Variants in USP34 observed in about 807,000 individuals in gnomAD.
USP34 encodes ubiquitin carboxyl-terminal hydrolase 34.
USP34 carries 70 observed loss-of-function variants against 460.3 expected under a neutral mutation model. The ratio of observed to expected loss-of-function variants is 0.15; its 90% CI spans 0.13 to 0.19. The LOEUF (loss-of-function observed/expected upper bound fraction) is 0.19. USP34 is among the 10% of genes least tolerant of loss of function. The pLI, the probability that USP34 is intolerant of heterozygous loss-of-function variation, is 1.00. For missense variants in USP34, 3,985 were observed against 4,236.2 expected, an observed-to-expected ratio of 0.94 and a Z score of 1.65; for synonymous variants, 1,647 against 1,405.3, an observed-to-expected ratio of 1.17 and a Z score of -3.85.
At chr2:61,189,961 T>G (rs181295890) in intron 78 of USP34, 101 of 230,588 alleles carry the variant, frequency 4.4e-4, no homozygotes, top group African/African-American at 1.7e-3. Context: ...ATAGGAGCCA[T>G]AGGCAGTAAT....
intron 33 of USP34, among the ~76,000 whole-genome samples, chr2:61,290,907 G>C (rs958461340): frequency 6.6e-6 from 1 of 152,178 alleles, no homozygotes; most frequent in Admixed American, 6.5e-5. Flanking sequence ...ATTAGGTAAC[G>C]GTTTTGTAGA....
chr2:61,230,970 A>T (rs773823042), intron 58 of USP34, among the ~76,000 whole-genome samples: 4 of 152,216 alleles, frequency 2.6e-5, no homozygotes, highest in Non-Finnish European at 4.4e-5. Context: ...CATTACTAAA[A>T]ACAGCCAAAA....
rs1695825514 is a variant in USP34 at position 61,467,891 on chromosome 2, G to A, written c.43+2759C>T. On this transcript the variant is annotated intron_variant, in intron 1 of 79. Transcript: ENST00000398571. ...CCACCTCGGCCTCCCAAAGTGTTGG[G>A]AATACAGGCGTGAGCTGTATTCAGA... 2.0e-5 allele frequency among the ~76,000 whole-genome samples: 3 copies of A among 152,120 alleles called. No individual in the cohort carries two copies. In the South Asian group the frequency reaches 6.2e-4, roughly 32 times the overall value.
intron 5 of USP34, among the ~76,000 whole-genome samples, chr2:61,386,478 G>GA (rs1399185651): frequency 2.6e-5 from 4 of 151,984 alleles, no homozygotes; most frequent in African/African-American, 9.7e-5. Context: ...AGGTAAGCAA[G>GA]AAAAAATTTT....
chr2:61,301,822 T>C (rs1690234781), intron 27 of USP34, among the ~76,000 whole-genome samples: 1 of 152,250 alleles, frequency 6.6e-6, no homozygotes, highest in South Asian at 2.1e-4. Flanking sequence ...ATGGGAGCTT[T>C]TTCCTTACCG....
intron 2 of USP34, among the ~76,000 whole-genome samples, chr2:61,419,518 C>G (rs1258297779): frequency 6.6e-6 from 1 of 152,118 alleles, no homozygotes; most frequent in East Asian, 1.9e-4. Flanking sequence ...TAAAAATAAG[C>G]TAGAATACAA....
At position 61,424,489 on chromosome 2, in the gene USP34, G is replaced by A. The variant is rs147290105; in HGVS notation, c.44-3656C>T. On this transcript the variant is annotated intron_variant, in intron 1 of 79. Transcript: ENST00000398571. ...AACAAAGGAGAAGGGTGGTTGCCCA[G>A]AAATGCGTTTCAGTTTTGTCACATG... Among the ~76,000 whole-genome samples, 376 of 152,284 alleles carry A rather than the reference G, an allele frequency of 2.5e-3. 3 individuals carry two copies. The highest frequency in any genetic ancestry group is 0.02 in the Middle Eastern group (6 of 294).
In USP34 at chr2:61,370,528, C is replaced by A. The variant is rs372642287; in HGVS notation, c.1128G>T (p.Glu376Asp). 1.2e-5 allele frequency: 20 copies of A among 1,613,888 alleles called. No homozygotes were observed. In the South Asian group the frequency reaches 1.6e-4, roughly 13 times the overall value. ...TATGTAAATTTGGTCCAAATATATG[C>A]TCCACCACATTGTTGCTAATAAGCC... ...ADWLISNNVV[E>D]HIFGPNLHIE... Residue 376 changes from glutamate to aspartate, a missense_variant, in exon 9 of 80, where the codon GAG (glutamate) becomes GAT (aspartate). Glu to Asp is a conservative substitution (Grantham distance 45). This residue lies in a region of USP34 where 716 missense variants were observed against 626.2 expected (regional missense o/e 1.14). Transcript: ENST00000398571.
chr2:61,287,392 T>C (rs1478878662), intron 34 of USP34, among the ~76,000 whole-genome samples: 2 of 152,230 alleles, frequency 1.3e-5, no homozygotes, highest in African/African-American at 4.8e-5. Context: ...AATATTTGAT[T>C]ACAGAATCCA....
At chr2:61,427,684 C>T (rs1431971518) in intron 1 of USP34, among the ~76,000 whole-genome samples, 1 of 152,124 alleles carries the variant, frequency 6.6e-6, no homozygotes, top group African/African-American at 2.4e-5. Context: ...CTGAAAAACG[C>T]AATTGGCATA....
chr2:61,303,908 T>C (rs1690318948), intron 27 of USP34, among the ~76,000 whole-genome samples: 1 of 151,808 alleles, frequency 6.6e-6, no homozygotes, highest in Admixed American at 6.6e-5. Flanking sequence ...TTTTTTGTTT[T>C]GTTTTGTTTT....
chr2:61,290,829 A>G (rs2103976259), intron 33 of USP34, among the ~76,000 whole-genome samples: 1 of 152,240 alleles, frequency 6.6e-6, no homozygotes, highest in Non-Finnish European at 1.5e-5. Flanking sequence ...CCAAAGACCT[A>G]AAAAAGTGAG....
intron 10 of USP34, among the ~76,000 whole-genome samples, chr2:61,356,124 C>T (rs1380386597): frequency 6.6e-6 from 1 of 151,830 alleles, no homozygotes; most frequent in African/African-American, 2.4e-5. Flanking sequence ...CAGCGTTATT[C>T]CTAACAGCCA....
rs375369323 is a variant in USP34, at chr2:61,285,344, T to A, written c.4750-387A>T. 2.7e-4 allele frequency among the ~76,000 whole-genome samples: 41 copies of A among 151,972 alleles called. 1 individual carries two copies. In the East Asian group the frequency reaches 5.2e-3, roughly 19 times the overall value. On this transcript the variant is annotated intron_variant, in intron 34 of 79. Coordinates refer to ENST00000398571, the MANE Select transcript of USP34 (RefSeq NM_014709.4). ...TTCCACTAAAAATACAAAAATTAGC[T>A]GGGTGTGTGGTGCATGTCTACAGTC...
intron 3 of USP34, among the ~76,000 whole-genome samples, chr2:61,401,540 ATTTTTTTTT>A (rs1156550372): frequency 1.4e-4 from 9 of 62,438 alleles, no homozygotes; most frequent in Admixed American, 4.8e-4. Context: ...ACCTGGCCCT[ATTTTTTTTT>A]TTTTTTTTTT....
At chr2:61,416,161 G>A (rs1216499712) in intron 2 of USP34, among the ~76,000 whole-genome samples, 1 of 152,070 alleles carries the variant, frequency 6.6e-6, no homozygotes, top group Non-Finnish European at 1.5e-5. Context: ...TTTAAACACT[G>A]GTCAATATCA....
At chr2:61,278,144 T>A in intron 41 of USP34, 21 bp downstream of exon 41, 3 of 1,608,696 alleles carry the variant, frequency 1.9e-6, no homozygotes, top group Non-Finnish European at 2.5e-6. Context: ...CATAGAAACA[T>A]TTGATTATCT....
chr2:61,230,726 C>A (rs940712148), intron 58 of USP34, among the ~76,000 whole-genome samples: 1 of 151,640 alleles, frequency 6.6e-6, no homozygotes, highest in South Asian at 2.1e-4. Context: ...CGCCTGTAAT[C>A]CCAGCTACTT....
rs1192904366 is a variant in USP34, at chr2:61,407,986, G to A, written c.132-1858C>T. Among the ~76,000 whole-genome samples the A allele has an allele frequency of 2.0e-5, 3 of 152,138 alleles. No homozygotes were observed. The East Asian group carries it at 5.8e-4, about 29-fold the overall frequency. On this transcript the variant is annotated intron_variant, in intron 2 of 79. Transcript: ENST00000398571. ...AAAAATTAGCCAGGCGTGGTGGTGGGCACCTGTAATCCCAGCTACTTGGGA... is the reference window on the plus strand; with the variant it reads ...AAAAATTAGCCAGGCGTGGTGGTGGACACCTGTAATCCCAGCTACTTGGGA...
Sources: allele counts gnomAD v4.1 joint callset (sites outside exome capture counted in the v4.1 genomes callset), GRCh38; gene constraint gnomAD v4.1.1; regional missense constraint gnomAD v4.1.1; transcripts MANE v1.5; gene names NCBI Gene and HGNC (gene_info 2026-07-23, HGNC 2026-07-21).